KDM5C: variants seen among roughly 807,000 people sequenced by gnomAD.
KDM5C encodes lysine-specific demethylase 5C.
A neutral mutation model predicts 110.6 loss-of-function variants in KDM5C; 16 were observed. The ratio of observed to expected loss-of-function variants is 0.14; its 90% CI spans 0.10 to 0.22. The LOEUF (loss-of-function observed/expected upper bound fraction) is 0.22, where lower values mean the gene tolerates loss of function less well. Among genes scored for constraint, KDM5C ranks in the 10% least tolerant of loss-of-function variants. The pLI is 1.00. For missense variants in KDM5C, 681 were observed against 1,300.9 expected, an observed-to-expected ratio of 0.52 and a Z score of 7.33; for synonymous variants, 511 against 520.4, an observed-to-expected ratio of 0.98 and a Z score of 0.24.
chrX:53,181,110 G>A (rs1299958355), intron 25 of KDM5C, among the ~76,000 whole-genome samples: 1 of 109,243 alleles, frequency 9.2e-6, no homozygotes, highest in Non-Finnish European at 1.9e-5. Flanking sequence ...GAGCCACCAC[G>A]CCTAGCCTAT....
intron 2 of KDM5C, among the ~76,000 whole-genome samples, chrX:53,220,326 C>T (rs1373083544): frequency 4.5e-5 from 5 of 111,939 alleles, no homozygotes. Context: ...ACCTGCCTGA[C>T]CCCTGGCCAA....
chrX:53,223,902 G>A (rs1202815729), intron 1 of KDM5C, among the ~76,000 whole-genome samples: 3 of 112,079 alleles, frequency 2.7e-5, no homozygotes, highest in Non-Finnish European at 5.6e-5. Flanking sequence ...TCCATAGGAA[G>A]TCAAGTCTGC....
At chrX:53,182,178 G>A (rs1315960844) in intron 25 of KDM5C, among the ~76,000 whole-genome samples, 2 of 108,110 alleles carry the variant, frequency 1.8e-5, no homozygotes, top group Non-Finnish European at 3.8e-5. Flanking sequence ...TCCGCCTCCC[G>A]ATTTCAAGTG....
intron 25 of KDM5C, among the ~76,000 whole-genome samples, chrX:53,183,795 G>A (rs1376865301): frequency 4.5e-5 from 5 of 110,469 alleles, no homozygotes; most frequent in African/African-American, 1.6e-4. Context: ...GGCTGGCCTC[G>A]AACTCCTGAC....
At position 53,192,868 on chromosome X, in the gene KDM5C, T is replaced by TCCCCC; in HGVS notation, c.*98_*99insGGGGG. 1 of 163,418 alleles carries TCCCCC rather than the reference T, an allele frequency of 6.1e-6. No individual in the cohort carries two copies. The highest frequency in any genetic ancestry group is 9.3e-6 in the Non-Finnish European group (1 of 107,434). The allele number at this position is 163,418 out of a possible 1,213,427, so 13.5% of individuals were successfully genotyped here. ...CGGGTAGCAGGGATGGCCACCCCCCTACCCGCCCACCCCCCAAGAAGCAGG... is the reference window on the plus strand; with the variant it reads ...CGGGTAGCAGGGATGGCCACCCCCCTCCCCCACCCGCCCACCCCCCAAGAAGCAGG... On this transcript the variant is annotated 3_prime_UTR_variant, in exon 26 of 26. Coordinates refer to ENST00000375401, the MANE Select transcript of KDM5C (RefSeq NM_004187.5).
intron 19 of KDM5C, 147 bp downstream of exon 19, chrX:53,196,539 A>AAG: frequency 1.9e-6 from 1 of 525,456 alleles, no homozygotes; most frequent in East Asian, 3.3e-5. Context: ...TAAAAAAACG[A>AAG]CAAGATAGAC....
intron 25 of KDM5C, among the ~76,000 whole-genome samples, chrX:53,183,558 T>C (rs1482593039): frequency 2.7e-5 from 3 of 109,096 alleles, no homozygotes; most frequent in Non-Finnish European, 5.7e-5. Flanking sequence ...ATCAGCTTTT[T>C]CATTTCTTTT....
chrX:53,195,093 A>G, intron 21 of KDM5C, 25 bp from the exon 22 acceptor site: 2 of 1,203,581 alleles, frequency 1.7e-6, no homozygotes, highest in Non-Finnish European at 2.2e-6. Context: ...CAAGAGAGGG[A>G]ATGACTGGGC....
chrX:53,224,572 G>A (rs1251563962), intron 1 of KDM5C, among the ~76,000 whole-genome samples, 168 bp downstream of exon 1: 8 of 111,119 alleles, frequency 7.2e-5, no homozygotes, highest in African/African-American at 2.3e-4. Context: ...CTCACACCAC[G>A]AGAGGACCCC....
At chrX:53,185,449 G>A (rs1259395684) in intron 25 of KDM5C, among the ~76,000 whole-genome samples, 1 of 112,536 alleles carries the variant, frequency 8.9e-6, no homozygotes, top group Non-Finnish European at 1.9e-5. Flanking sequence ...TACTACAGAA[G>A]CAAGAAGTAA....
chrX:53,225,071 C>A lies in KDM5C; in HGVS notation c.-182G>T. The A allele has an allele frequency of 4.2e-6, 2 of 472,607 alleles. No individual in the cohort carries two copies. The highest frequency in any genetic ancestry group is 6.8e-6 in the Non-Finnish European group (2 of 293,731). 38.9% of individuals were successfully genotyped at this position (472,607 alleles called of 1,213,427 possible). A position where few individuals can be genotyped will look rare whatever the true frequency, so the allele number is the denominator to read the frequency against. Reference sequence around the variant, plus strand: ...GTGCTCTGAGAGTCTCAGGCTGACTCTACTGCTACCGCCTCTTCGTCCCGC... The same window carrying A: ...GTGCTCTGAGAGTCTCAGGCTGACTATACTGCTACCGCCTCTTCGTCCCGC... On this transcript the variant is annotated 5_prime_UTR_variant, in exon 1 of 26. Transcript: ENST00000375401.
intron 12 of KDM5C, chrX:53,202,717 G>C (rs1438525073): frequency 9.0e-6 from 1 of 111,472 alleles, no homozygotes; most frequent in African/African-American, 3.3e-5. Flanking sequence ...TCCTCCAACA[G>C]TTTCCTGAGA....
At chrX:53,187,221 C>T (rs928458283), downstream of KDM5C, among the ~76,000 whole-genome samples, 3 of 110,647 alleles carry the variant, frequency 2.7e-5, no homozygotes, top group Non-Finnish European at 5.7e-5. Flanking sequence ...ACCCAAGCCC[C>T]CCTGTGGAAC....
At chrX:53,190,941 C>T (rs377384627), downstream of KDM5C, among the ~76,000 whole-genome samples, 18 of 111,627 alleles carry the variant, frequency 1.6e-4, no homozygotes, top group Middle Eastern at 4.6e-3. Context: ...CTTGAGAGGA[C>T]GGAAAGCCCT....
At position 53,192,880 on chromosome X, in the gene KDM5C, C is replaced by CCCCCCCCCCAAAA; in HGVS notation, c.*86_*87insTTTTGGGGGGGGG. ...ATGGCCACCCCCCTACCCGCCCACC[C>CCCCCCCCCCAAAA]CCCAAGAAGCAGGCTTGATGGTCAG... On this transcript the variant is annotated 3_prime_UTR_variant, in exon 26 of 26. Coordinates refer to ENST00000375401, the MANE Select transcript of KDM5C (RefSeq NM_004187.5). 9.6e-7 allele frequency: 1 copy of CCCCCCCCCCAAAA among 1,041,138 alleles called. No individual in the cohort carries two copies. Among genetic ancestry groups the CCCCCCCCCCAAAA allele is most frequent in the Non-Finnish European group, 1.3e-6 (1 of 792,323 alleles). 85.8% of individuals were successfully genotyped at this position (1,041,138 alleles called of 1,213,427 possible).
chrX:53,214,988 T>A, intron 7 of KDM5C, 141 bp from the exon 8 acceptor site: 1 of 633,833 alleles, frequency 1.6e-6, no homozygotes, highest in Non-Finnish European at 2.6e-6. Context: ...AATAAGCAGG[T>A]AGAGCTGCAA....
chrX:53,181,173 C>CT (rs1473976697), intron 25 of KDM5C, among the ~76,000 whole-genome samples: 1 of 109,450 alleles, frequency 9.1e-6, no homozygotes, highest in Non-Finnish European at 1.9e-5. Context: ...TTTAAGTAAT[C>CT]TTTTTATCTC....
At position 53,218,893 on chromosome X, in the gene KDM5C, A is replaced by C. The variant is rs781952674; in HGVS notation, c.229-495T>G. ...CACTGCACCCAGCCACCTCTCTCTC[A>C]TTTGTCACCTTCCAGTCAATCAGAG... On this transcript the variant is annotated intron_variant, in intron 2 of 25. Coordinates refer to ENST00000375401, the MANE Select transcript of KDM5C (RefSeq NM_004187.5). Among the ~76,000 whole-genome samples the C allele has an allele frequency of 8.9e-5, 10 of 112,019 alleles. No individual in the cohort carries two copies. The South Asian group carries it at 3.7e-3, about 42-fold the overall frequency.
chrX:53,192,883 C>CCCA lies in KDM5C; in HGVS notation c.*83_*84insTGG. ...GCCACCCCCCTACCCGCCCACCCCC[C>CCCA]AAGAAGCAGGCTTGATGGTCAGAAA... On this transcript the variant is annotated 3_prime_UTR_variant, in exon 26 of 26. Coordinates refer to ENST00000375401, the MANE Select transcript of KDM5C (RefSeq NM_004187.5). 5 of 1,063,183 alleles carry CCCA rather than the reference C, an allele frequency of 4.7e-6. No homozygotes were observed. The highest frequency in any genetic ancestry group is 6.2e-6 in the Non-Finnish European group (5 of 809,422). The allele number at this position is 1,063,183 out of a possible 1,213,427, so 87.6% of individuals were successfully genotyped here.
Sources: gnomAD v4.1 joint callset for allele counts (sites outside exome capture counted in the v4.1 genomes callset) on GRCh38, gnomAD v4.1.1 for gene constraint, MANE v1.5 for transcripts, NCBI Gene and HGNC (gene_info 2026-07-23, HGNC 2026-07-21) for gene names.